Variants in ANK3 observed in about 807,000 individuals in gnomAD.
The protein encoded by ANK3 is ankyrin-3.
In ANK3, 57 loss-of-function variants were observed where a neutral mutation model predicts 370.9. That is an observed-to-expected ratio of 0.15 (90% confidence interval 0.12 to 0.19). The LOEUF is 0.19. ANK3 is among the 10% of genes least tolerant of loss of function. The pLI is 1.00. For missense variants in ANK3, 4,439 were observed against 5,302.1 expected, an observed-to-expected ratio of 0.84 and a Z score of 5.06; for synonymous variants, 1,929 against 1,946.3, an observed-to-expected ratio of 0.99 and a Z score of 0.23.
intron 1 of ANK3, among the ~76,000 whole-genome samples, chr10:60,638,171 C>CA (rs2133347464): frequency 6.6e-6 from 1 of 152,262 alleles, no homozygotes; most frequent in African/African-American, 2.4e-5. Flanking sequence ...GGTGAAACTC[C>CA]ATGAGGTAGA....
chr10:60,593,983 G>A lies in ANK3; in HGVS notation c.96+21203C>T, dbSNP rs568761828. On this transcript the variant is annotated intron_variant, in intron 2 of 43. Coordinates refer to the ANK3 transcript ENST00000373827. ...TGCTCTAAAATGCAAATTAGGATAA[G>A]TCACATGTTTACGTAGTCCCATTGA... Among the ~76,000 whole-genome samples, 5 of 152,280 alleles carry A rather than the reference G, an allele frequency of 3.3e-5. No individual in the cohort carries two copies. In the South Asian group the frequency reaches 1.0e-3, roughly 32 times the overall value.
At chr10:60,725,033 G>T (rs1282263277) in intron 1 of ANK3, among the ~76,000 whole-genome samples, 1 of 152,012 alleles carries the variant, frequency 6.6e-6, no homozygotes, top group East Asian at 1.9e-4. Context: ...TCCCACGCAG[G>T]CAGCCATTCT....
chr10:60,552,322 T>C (rs976311018), intron 2 of ANK3, among the ~76,000 whole-genome samples: 3 of 152,218 alleles, frequency 2.0e-5, no homozygotes, highest in African/African-American at 7.2e-5. Flanking sequence ...CTCAACTATT[T>C]AATGAGATTG....
At position 60,468,998 on chromosome 10, in the gene ANK3, T is replaced by C. The variant is rs1368741040; in HGVS notation, c.96+146188A>G. Among the ~76,000 whole-genome samples, 39 of 23,508 alleles carry C rather than the reference T, an allele frequency of 1.7e-3. 2 individuals are homozygous for C. Among genetic ancestry groups the C allele is most frequent in the African/African-American group, 6.3e-3 (39 of 6,224 alleles). 15.4% of individuals were successfully genotyped at this position (23,508 alleles called of 152,430 possible). A position where few individuals can be genotyped will look rare whatever the true frequency, so the allele number is the denominator to read the frequency against. ...CTATATATATACCACTTTTAGTGTG[T>C]ATATATATATATATATATATACCAC... On this transcript the variant is annotated intron_variant, in intron 2 of 43. Coordinates refer to the ANK3 transcript ENST00000373827.
At chr10:60,545,213 C>T (rs963598744) in intron 2 of ANK3, among the ~76,000 whole-genome samples, 3 of 151,426 alleles carry the variant, frequency 2.0e-5, no homozygotes, top group African/African-American at 7.3e-5. Flanking sequence ...CAGATGGAAC[C>T]GAAGAAGAGA....
At chr10:60,611,935 T>C (rs983242623) in intron 2 of ANK3, among the ~76,000 whole-genome samples, 1 of 151,844 alleles carries the variant, frequency 6.6e-6, no homozygotes, top group African/African-American at 2.4e-5. Context: ...CTACACAAAA[T>C]AAATGGTTTT....
chr10:60,373,480 T>C (rs1231376702), intron 1 of ANK3, among the ~76,000 whole-genome samples: 1 of 152,226 alleles, frequency 6.6e-6, no homozygotes, highest in Non-Finnish European at 1.5e-5. Flanking sequence ...GAATTTTATA[T>C]ACTTTCATAT....
chr10:60,725,535 T>G lies in ANK3; in HGVS notation c.57+7728A>C, dbSNP rs866381397. ...CACGCAAGGCTTCCTATTTATTCCC[T>G]CCTTCCCTCATTTGGCTTTGCTATT... On this transcript the variant is annotated intron_variant, in intron 1 of 43. Coordinates refer to the ANK3 transcript ENST00000373827. 7.2e-5 allele frequency among the ~76,000 whole-genome samples: 11 copies of G among 152,266 alleles called. No individual in the cohort carries two copies. In the Middle Eastern group the frequency reaches 0.014, roughly 188 times the overall value.
At chr10:60,090,308 C>A (rs1354298011) in intron 28 of ANK3, among the ~76,000 whole-genome samples, 1 of 151,792 alleles carries the variant, frequency 6.6e-6, no homozygotes, top group Non-Finnish European at 1.5e-5. Flanking sequence ...CAGAGTGAGA[C>A]TCCATTTCCA....
In ANK3 at chr10:60,569,129, C is replaced by A. The variant is rs114465120; in HGVS notation, c.96+46057G>T. Reference sequence around the variant, plus strand: ...TAAGTGTCACTTCCTACATTTTATTCTTGGCAGCTGGTTAAAATAAGCACT... The same window carrying A: ...TAAGTGTCACTTCCTACATTTTATTATTGGCAGCTGGTTAAAATAAGCACT... On this transcript the variant is annotated intron_variant, in intron 2 of 43. Coordinates refer to the ANK3 transcript ENST00000373827. 4.4e-3 allele frequency among the ~76,000 whole-genome samples: 672 copies of A among 152,174 alleles called. 7 individuals carry two copies. Among genetic ancestry groups the A allele is most frequent in the African/African-American group, 0.015 (633 of 41,528 alleles).
At chr10:60,386,674 C>T in intron 1 of ANK3, among the ~76,000 whole-genome samples, 1 of 151,978 alleles carries the variant, frequency 6.6e-6, no homozygotes, top group East Asian at 1.9e-4. Flanking sequence ...ATTATGATTT[C>T]ATGATAACAC....
At chr10:60,264,646 AG>A (rs767758832) in intron 5 of ANK3, among the ~76,000 whole-genome samples, 1 of 97,958 alleles carries the variant, frequency 1.0e-5, no homozygotes, top group Non-Finnish European at 2.5e-5. Flanking sequence ...AAAAAAAAAA[AG>A]AAAAAAAAAA....
intron 2 of ANK3, among the ~76,000 whole-genome samples, chr10:60,395,952 G>C (rs184961785): frequency 6.6e-6 from 1 of 152,056 alleles, no homozygotes; most frequent in Non-Finnish European, 1.5e-5. Context: ...ATCTCTTTTC[G>C]CTACCCATGA....
intron 7 of ANK3, among the ~76,000 whole-genome samples, chr10:60,244,028 C>T (rs1436471291): frequency 1.3e-5 from 2 of 152,104 alleles, no homozygotes; most frequent in African/African-American, 4.8e-5. Flanking sequence ...TATATGGGTA[C>T]TATTGATGTC....
At chr10:60,320,100 G>T (rs1177191030) in intron 1 of ANK3, among the ~76,000 whole-genome samples, 1 of 152,188 alleles carries the variant, frequency 6.6e-6, no homozygotes, top group African/African-American at 2.4e-5. Context: ...ATTAGAAGGA[G>T]CTGGGCCTGT....
intron 2 of ANK3, among the ~76,000 whole-genome samples, chr10:60,510,349 TA>T (rs2076048054): frequency 6.6e-6 from 1 of 152,086 alleles, no homozygotes. Context: ...CCTCCACTAA[TA>T]AACTTATCTT....
chr10:60,220,881 G>C (rs1460363620), intron 8 of ANK3, among the ~76,000 whole-genome samples: 1 of 152,118 alleles, frequency 6.6e-6, no homozygotes, highest in Non-Finnish European at 1.5e-5. Flanking sequence ...TTTTCATCAA[G>C]AATTTCAAAC....
At chr10:60,365,324 T>C (rs1422825887) in intron 1 of ANK3, among the ~76,000 whole-genome samples, 1 of 152,096 alleles carries the variant, frequency 6.6e-6, no homozygotes, top group Non-Finnish European at 1.5e-5. Context: ...TGAAGATTAC[T>C]CCCAAATTCC....
intron 1 of ANK3, among the ~76,000 whole-genome samples, chr10:60,388,558 TG>T (rs2062748542): frequency 6.6e-6 from 1 of 152,162 alleles, no homozygotes; most frequent in Non-Finnish European, 1.5e-5. Flanking sequence ...AAAAGTGCTT[TG>T]GGGTCTTACT....
Sources: gnomAD v4.1 joint callset for allele counts (sites outside exome capture counted in the v4.1 genomes callset) on GRCh38, gnomAD v4.1.1 for gene constraint, MANE v1.5 for transcripts, NCBI Gene and HGNC (gene_info 2026-07-23, HGNC 2026-07-21) for gene names.